CDKAL1: variants seen among roughly 807,000 people sequenced by gnomAD.
The protein encoded by CDKAL1 is CDKAL1 threonylcarbamoyladenosine tRNA methylthiotransferase, also known as threonylcarbamoyladenosine tRNA methylthiotransferase.
CDKAL1 carries 32 observed loss-of-function variants against 68.2 expected under a neutral mutation model. The observed-to-expected ratio is 0.47, with a 90% CI of 0.35 to 0.63. The LOEUF (loss-of-function observed/expected upper bound fraction) is 0.63, where lower values mean the gene tolerates loss of function less well. Ranked by LOEUF, CDKAL1 falls within the 30% of genes least tolerant of loss-of-function variation. CDKAL1 has a pLI of 0.00. For missense variants in CDKAL1, 606 were observed against 696.7 expected (o/e 0.87, Z 1.47); for synonymous variants, 234 against 244.3 (o/e 0.96, Z 0.39).
At chr6:20,614,905 A>C (rs532938802) in intron 4 of CDKAL1, among the ~76,000 whole-genome samples, 3 of 145,404 alleles carry the variant, frequency 2.1e-5, no homozygotes, top group South Asian at 4.7e-4. Flanking sequence ...CATTAGGTAT[A>C]TCTCCCAGTG....
intron 12 of CDKAL1, among the ~76,000 whole-genome samples, chr6:21,097,507 C>A (rs1011511375): frequency 6.6e-6 from 1 of 151,204 alleles, no homozygotes; most frequent in Non-Finnish European, 1.5e-5. Context: ...AAAAAAAAAA[C>A]CTAGTGCCTA....
intron 11 of CDKAL1, among the ~76,000 whole-genome samples, chr6:21,022,331 A>C (rs1010318272): frequency 1.3e-5 from 2 of 152,218 alleles, no homozygotes; most frequent in African/African-American, 4.8e-5. Context: ...CTAGCCATAG[A>C]GTTAACTTTG....
intron 12 of CDKAL1, among the ~76,000 whole-genome samples, chr6:21,090,390 A>G (rs1055547596): frequency 1.3e-4 from 20 of 152,228 alleles, no homozygotes; most frequent in Admixed American, 1.1e-3. Context: ...CACAACTTCA[A>G]CACATTTGAT....
chr6:20,931,858 T>C lies in CDKAL1; in HGVS notation c.743-23561T>C, dbSNP rs572441066. 2.0e-5 allele frequency among the ~76,000 whole-genome samples: 3 copies of C among 152,338 alleles called. No homozygotes were observed. In the South Asian group the frequency reaches 6.2e-4, roughly 32 times the overall value. On this transcript the variant is annotated intron_variant, in intron 9 of 15. Coordinates refer to ENST00000274695, the MANE Select transcript of CDKAL1 (RefSeq NM_017774.3). The stretch of plus-strand genomic sequence containing the variant: ...TGTCATTTCGTGCTTGCTTTGAAGT[T>C]TATGAATTAAGGAGTAGAAATTCAG...
intron 12 of CDKAL1, among the ~76,000 whole-genome samples, chr6:21,092,296 G>A (rs1773076832): frequency 6.7e-6 from 1 of 148,638 alleles, no homozygotes; most frequent in Non-Finnish European, 1.5e-5. Context: ...TGTGCAGAAC[G>A]TGCAGGTTTG....
intron 7 of CDKAL1, among the ~76,000 whole-genome samples, chr6:20,773,911 T>TCTGCCCC (rs1581552970): frequency 6.6e-6 from 1 of 152,130 alleles, no homozygotes; most frequent in East Asian, 1.9e-4. Flanking sequence ...CCCTCTGCCC[T>TCTGCCCC]CTGCCCCCAT....
intron 10 of CDKAL1, among the ~76,000 whole-genome samples, chr6:20,982,369 T>G (rs1344656011): frequency 1.3e-5 from 2 of 152,138 alleles, no homozygotes; most frequent in Non-Finnish European, 2.9e-5. Flanking sequence ...TGAAGGAAAT[T>G]CTTAGCATAT....
chr6:20,810,684 A>T (rs1196913428), intron 8 of CDKAL1, among the ~76,000 whole-genome samples: 1 of 150,868 alleles, frequency 6.6e-6, no homozygotes, highest in African/African-American at 2.4e-5. Context: ...GCTAAAAAAA[A>T]AAAGTGTTTA....
chr6:20,664,160 A>G (rs927413080), intron 5 of CDKAL1, among the ~76,000 whole-genome samples: 1 of 152,180 alleles, frequency 6.6e-6, no homozygotes, highest in Non-Finnish European at 1.5e-5. Flanking sequence ...GTGTTTCTGT[A>G]CACAGAAACT....
intron 4 of CDKAL1, among the ~76,000 whole-genome samples, chr6:20,588,730 T>A (rs1765475392): frequency 6.6e-6 from 1 of 152,202 alleles, no homozygotes; most frequent in Non-Finnish European, 1.5e-5. Context: ...GAACTCTGTT[T>A]CTCTAGTAAG....
intron 10 of CDKAL1, among the ~76,000 whole-genome samples, chr6:20,962,339 G>A (rs1342160121): frequency 1.3e-5 from 2 of 151,960 alleles, no homozygotes; most frequent in African/African-American, 4.8e-5. Context: ...TTTTTGGTTT[G>A]GAAATCTTTT....
intron 9 of CDKAL1, among the ~76,000 whole-genome samples, chr6:20,941,469 T>C (rs976535485): frequency 1.3e-5 from 2 of 152,234 alleles, no homozygotes; most frequent in Admixed American, 6.5e-5. Flanking sequence ...TTAACCTTTC[T>C]GTCACAGTCT....
chr6:20,912,904 T>G (rs1215391477), intron 9 of CDKAL1, among the ~76,000 whole-genome samples: 1 of 152,126 alleles, frequency 6.6e-6, no homozygotes, highest in Non-Finnish European at 1.5e-5. Flanking sequence ...CTCTTAATCC[T>G]TAGCTATCCA....
chr6:21,224,407 G>T (rs1000707256), intron 15 of CDKAL1, among the ~76,000 whole-genome samples: 1 of 152,134 alleles, frequency 6.6e-6, no homozygotes, highest in Non-Finnish European at 1.5e-5. Flanking sequence ...CGCGCTACTC[G>T]GGAGGCTCAA....
intron 11 of CDKAL1, among the ~76,000 whole-genome samples, chr6:21,006,085 A>C (rs1476891086): frequency 6.6e-6 from 1 of 152,176 alleles, no homozygotes; most frequent in East Asian, 1.9e-4. Flanking sequence ...CTACTTTTCC[A>C]GTCTATCTGC....
intron 9 of CDKAL1, among the ~76,000 whole-genome samples, chr6:20,913,747 G>C (rs949590634): frequency 6.6e-6 from 1 of 152,176 alleles, no homozygotes; most frequent in African/African-American, 2.4e-5. Flanking sequence ...TTGGGAAGCT[G>C]AGGCAGAAGG....
At chr6:20,659,205 CT>C (rs1283709476) in intron 5 of CDKAL1, among the ~76,000 whole-genome samples, 1 of 151,928 alleles carries the variant, frequency 6.6e-6, no homozygotes, top group Non-Finnish European at 1.5e-5. Flanking sequence ...TTGATTTGGC[CT>C]TTTGTGAGAA....
At chr6:21,083,168 A>G (rs566223508) in intron 12 of CDKAL1, among the ~76,000 whole-genome samples, 1 of 152,180 alleles carries the variant, frequency 6.6e-6, no homozygotes, top group Non-Finnish European at 1.5e-5. Context: ...GCCCGGTCTC[A>G]TTTATGTTTC....
intron 10 of CDKAL1, among the ~76,000 whole-genome samples, chr6:20,961,080 C>G (rs140166049): frequency 6.6e-6 from 1 of 152,244 alleles, no homozygotes; most frequent in Non-Finnish European, 1.5e-5. Context: ...TGTTAAAGCT[C>G]TTGGGCAGTA....
Sources: gnomAD v4.1 joint callset for allele counts (sites outside exome capture counted in the v4.1 genomes callset) on GRCh38, gnomAD v4.1.1 for gene constraint, MANE v1.5 for transcripts, NCBI Gene and HGNC (gene_info 2026-07-23, HGNC 2026-07-21) for gene names.